Variants in COL26A1 observed in about 807,000 individuals in gnomAD.
COL26A1 encodes collagen type XXVI alpha 1 chain.
In COL26A1, 41 loss-of-function variants were observed where a neutral mutation model predicts 59.3. The observed-to-expected ratio is 0.69, with a 90% CI of 0.54 to 0.90. COL26A1 has a LOEUF of 0.90. COL26A1 is among the 40% of genes least tolerant of loss of function. The pLI, the probability that COL26A1 is intolerant of heterozygous loss-of-function variation, is 0.00. For synonymous variants in COL26A1, 266 were observed against 256.0 expected (o/e 1.04, Z -0.37); for missense variants, 612 against 602.3 (o/e 1.02, Z -0.17).
intron 3 of COL26A1, among the ~76,000 whole-genome samples, chr7:101,501,634 T>C (rs1177707292): frequency 2.6e-5 from 4 of 152,188 alleles, no homozygotes; most frequent in Admixed American, 2.6e-4. Flanking sequence ...CCTGTATCCT[T>C]TGCGCTGTGT....
At chr7:101,531,348 A>G (rs1473197163) in intron 3 of COL26A1, among the ~76,000 whole-genome samples, 2 of 152,228 alleles carry the variant, frequency 1.3e-5, no homozygotes, top group African/African-American at 4.8e-5. Flanking sequence ...ATGTTTAACT[A>G]GAAAACCACA....
chr7:101,478,345 G>C (rs2130485735), intron 3 of COL26A1, among the ~76,000 whole-genome samples: 1 of 152,266 alleles, frequency 6.6e-6, no homozygotes, highest in Admixed American at 6.5e-5. Flanking sequence ...GGGAGAGCGT[G>C]GTGGTAAATG....
chr7:101,520,358 C>A (rs115982870), intron 3 of COL26A1, among the ~76,000 whole-genome samples: 6 of 152,078 alleles, frequency 3.9e-5, no homozygotes, highest in African/African-American at 1.2e-4. Flanking sequence ...GATAGCAGAG[C>A]CTTTTATAGC....
At chr7:101,425,826 ATTT>A (rs531266478) in intron 2 of COL26A1, among the ~76,000 whole-genome samples, 2 of 131,400 alleles carry the variant, frequency 1.5e-5, no homozygotes. Flanking sequence ...TCTTAGCATA[ATTT>A]TTTTTTTTTT....
At chr7:101,493,274 C>T (rs1330183219) in intron 3 of COL26A1, among the ~76,000 whole-genome samples, 1 of 130,124 alleles carries the variant, frequency 7.7e-6, no homozygotes, top group Non-Finnish European at 1.6e-5. Flanking sequence ...ATCAGACTGG[C>T]CACTCTTCCC....
At chr7:101,539,319 TGC>T (rs1228082610) in intron 4 of COL26A1, among the ~76,000 whole-genome samples, 2 of 148,370 alleles carry the variant, frequency 1.3e-5, no homozygotes, top group African/African-American at 2.5e-5. Context: ...TGTGTGTGTG[TGC>T]GTATGTGTGT....
intron 3 of COL26A1, among the ~76,000 whole-genome samples, chr7:101,463,400 T>C (rs13241656): frequency 0.36 from 54,307 of 151,962 alleles, 10,216 homozygotes; most frequent in Middle Eastern, 0.46. Flanking sequence ...TATCCATTCA[T>C]CTGCCATGGG....
intron 1 of COL26A1, among the ~76,000 whole-genome samples, chr7:101,382,119 G>A (rs1015592480): frequency 6.6e-6 from 1 of 152,100 alleles, no homozygotes; most frequent in East Asian, 1.9e-4. Context: ...CATGATTATG[G>A]CTTACTGCAG....
At chr7:101,538,203 C>A (rs2130650127) in intron 4 of COL26A1, among the ~76,000 whole-genome samples, 1 of 152,302 alleles carries the variant, frequency 6.6e-6, no homozygotes, top group Admixed American at 6.5e-5. Context: ...TGTGGCCCGT[C>A]AGCTTCTTCA....
At chr7:101,378,635 C>T (rs577807927) in intron 1 of COL26A1, among the ~76,000 whole-genome samples, 2 of 152,076 alleles carry the variant, frequency 1.3e-5, no homozygotes, top group East Asian at 1.9e-4. Context: ...ACACCAAGAC[C>T]GGTGGGGGGA....
At chr7:101,489,856 T>G (rs11981155) in intron 3 of COL26A1, among the ~76,000 whole-genome samples, 4 of 39,178 alleles carry the variant, frequency 1.0e-4, no homozygotes, top group East Asian at 5.6e-4. Flanking sequence ...CTTTCTTTCT[T>G]TCTTTCTTTC....
chr7:101,550,385 C>T (rs1397559356), intron 9 of COL26A1, among the ~76,000 whole-genome samples: 1 of 152,148 alleles, frequency 6.6e-6, no homozygotes, highest in Non-Finnish European at 1.5e-5. Context: ...GGCTTGAGCC[C>T]AGGAGTTGGA....
intron 3 of COL26A1, among the ~76,000 whole-genome samples, chr7:101,488,187 A>C (rs901344239): frequency 4.0e-5 from 6 of 150,774 alleles, no homozygotes; most frequent in Non-Finnish European, 8.9e-5. Flanking sequence ...AGGCTGAGGC[A>C]CAAGAATCGC....
intron 2 of COL26A1, among the ~76,000 whole-genome samples, chr7:101,421,082 G>T (rs111833195): frequency 1.3e-3 from 191 of 152,220 alleles, no homozygotes; most frequent in African/African-American, 4.4e-3. Context: ...CCTGGGTCAG[G>T]GTTCTCCAGA....
intron 3 of COL26A1, among the ~76,000 whole-genome samples, chr7:101,457,500 C>T (rs549277532): frequency 2.0e-5 from 3 of 152,250 alleles, no homozygotes; most frequent in South Asian, 2.1e-4. Context: ...AGAGTGTTAT[C>T]ATCCTTGCTT....
intron 3 of COL26A1, among the ~76,000 whole-genome samples, chr7:101,493,059 A>C (rs1190611516): frequency 6.6e-6 from 1 of 152,204 alleles, no homozygotes; most frequent in Non-Finnish European, 1.5e-5. Flanking sequence ...CAAGATGGAA[A>C]TCATCATTCC....
rs896217983 is a variant in COL26A1, at chr7:101,557,021, A to C, written c.1166-349A>C. ...GATGGATGGATGGATGGATGGATGG[A>C]TGGATGGATGGATGGATGGATGGAC... is the stretch of plus-strand genomic sequence containing the variant. On this transcript the variant is annotated intron_variant, in intron 12 of 12. Transcript: ENST00000313669. 9.0e-5 allele frequency among the ~76,000 whole-genome samples: 5 copies of C among 55,360 alleles called. No individual in the cohort carries two copies. The East Asian group carries it at 1.8e-3, about 20-fold the overall frequency. 36.3% of individuals were successfully genotyped at this position (55,360 alleles called of 152,430 possible). A position where few individuals can be genotyped will look rare whatever the true frequency, so the allele number is the denominator to read the frequency against.
At chr7:101,444,031 C>T (rs549956231) in intron 2 of COL26A1, among the ~76,000 whole-genome samples, 128 of 151,832 alleles carry the variant, frequency 8.4e-4, no homozygotes, top group African/African-American at 2.9e-3. Context: ...ACAACTATGC[C>T]GGGCTAATTT....
chr7:101,445,825 G>A (rs1332040861), intron 2 of COL26A1, among the ~76,000 whole-genome samples: 2 of 151,178 alleles, frequency 1.3e-5, no homozygotes, highest in African/African-American at 4.9e-5. Context: ...CGAGGTGGGC[G>A]GATCACGAGG....
Sources: allele counts gnomAD v4.1 joint callset (sites outside exome capture counted in the v4.1 genomes callset), GRCh38; gene constraint gnomAD v4.1.1; transcripts MANE v1.5; gene names NCBI Gene and HGNC (gene_info 2026-07-23, HGNC 2026-07-21).